The following ZNF681 variants were observed in gnomAD, a reference collection of about 807,000 sequenced individuals.
ZNF681 encodes hypothetical protein FLJ31526.
ZNF681 carries 37 observed loss-of-function variants against 56.0 expected under a neutral mutation model. That is an observed-to-expected ratio of 0.66 (90% CI 0.51 to 0.87). The LOEUF (loss-of-function observed/expected upper bound fraction) is 0.87, where lower values mean the gene tolerates loss of function less well. ZNF681 is among the 40% of genes least tolerant of loss of function. The probability of loss-of-function intolerance (pLI) is 0.00; values close to 1 mark genes in which losing one functional copy is unlikely to be tolerated. For synonymous variants in ZNF681, 225 were observed against 248.6 expected (o/e 0.91, Z 0.89); for missense variants, 741 against 744.9 (o/e 0.99, Z 0.06).
intron 3 of ZNF681, among the ~76,000 whole-genome samples, chr19:23,750,317 A>G (rs1415681385): frequency 6.6e-6 from 1 of 151,308 alleles, no homozygotes; most frequent in Non-Finnish European, 1.5e-5. Context: ...AAAAACAACT[A>G]AGAAAGAATA....
At chr19:23,748,545 T>C (rs1199364158) in intron 3 of ZNF681, among the ~76,000 whole-genome samples, 1 of 152,122 alleles carries the variant, frequency 6.6e-6, no homozygotes, top group African/African-American at 2.4e-5. Context: ...CAAAGGGGTA[T>C]AGAAGTTCAC....
chr19:23,756,632 G>A (rs1969123731), intron 1 of ZNF681, among the ~76,000 whole-genome samples: 1 of 151,872 alleles, frequency 6.6e-6, no homozygotes, highest in Admixed American at 6.6e-5. Context: ...ATACACACCA[G>A]GGCCAGTCGG....
intron 1 of ZNF681, among the ~76,000 whole-genome samples, chr19:23,757,229 G>T (rs10404183): frequency 0.98 from 148,931 of 152,218 alleles, 72,951 homozygotes; most frequent in Middle Eastern, 1. Flanking sequence ...ACAACAAAAA[G>T]AAAAAGAAAA....
chr19:23,746,898 A>G (rs563757898), intron 3 of ZNF681, among the ~76,000 whole-genome samples: 1 of 152,310 alleles, frequency 6.6e-6, no homozygotes, highest in Admixed American at 6.5e-5. Flanking sequence ...CCAAGATGGG[A>G]GGATCTCTTG....
At chr19:23,758,623 A>G in intron 1 of ZNF681, 124 bp downstream of exon 1, 1 of 1,456,218 alleles carries the variant, frequency 6.9e-7, no homozygotes, top group Non-Finnish European at 9.6e-7. Context: ...TTATGGTCCA[A>G]GTGGACTGAG....
chr19:23,756,518 T>C (rs1201653122), intron 1 of ZNF681, among the ~76,000 whole-genome samples: 1 of 152,126 alleles, frequency 6.6e-6, no homozygotes, highest in African/African-American at 2.4e-5. Flanking sequence ...TGAAAGCTAT[T>C]ATCCTCAGAA....
chr19:23,747,441 C>T (rs1968960656), intron 3 of ZNF681, among the ~76,000 whole-genome samples: 1 of 151,858 alleles, frequency 6.6e-6, no homozygotes, highest in South Asian at 2.1e-4. Flanking sequence ...AGATCAAGAC[C>T]ATCCTGGCTA....
Position 23,755,533 on chromosome 19 carries a change from C to A in ZNF681, c.22G>T (p.Asp8Tyr), listed in dbSNP as rs761144857. The change falls in exon 2 of 4, where the codon GAT becomes TAT. Residue 8 changes from aspartate (D) to tyrosine (Y), a missense_variant. Asp to Tyr is a radical substitution (Grantham distance 160, BLOSUM62 -3). Transcript: ENST00000402377. ...TCCAGAGAGAATTCTATGGCCACATCCCTAAATTTCAATGGTTCCTGAAAA... is the reference window on the plus strand; with the variant it reads ...TCCAGAGAGAATTCTATGGCCACATACCTAAATTTCAATGGTTCCTGAAAA... MEPLKFR[D>Y]VAIEFSLEEW... 5 of 1,593,894 alleles carry A rather than the reference C, an allele frequency of 3.1e-6. No individual in the cohort carries two copies. The East Asian group carries it at 1.2e-4, about 37-fold the overall frequency.
In ZNF681 at chr19:23,758,855, G is replaced by A; in HGVS notation, c.-106C>T. On this transcript the variant is annotated 5_prime_UTR_variant, in exon 1 of 4. Transcript: ENST00000402377. ...CTAGAAGAAGAGGACACAGAGCAGT[G>A]AAGACGAGACCCGGAGCTCGGGCTG... The A allele has an allele frequency of 2.0e-6, 3 of 1,508,500 alleles. No individual in the cohort carries two copies. The highest frequency in any genetic ancestry group is 1.2e-5 in the South Asian group (1 of 84,830). The allele number at this position is 1,508,500 out of a possible 1,614,324, so 93.4% of individuals were successfully genotyped here.
Position 23,741,487 on chromosome 19 carries a change from C to T in ZNF681, c.*2125G>A, listed in dbSNP as rs1159271307. ...CCAGCACTTTGGGAGGCCGAGGGGG[C>T]TAATCATGGGGTCAGGAGTTCAAGA... On this transcript the variant is annotated 3_prime_UTR_variant, in exon 4 of 4. Coordinates refer to ENST00000402377, the MANE Select transcript of ZNF681 (RefSeq NM_138286.3). 1.3e-5 allele frequency: 2 copies of T among 151,866 alleles called. No homozygotes were observed. The allele number at this position is 151,866 out of a possible 1,614,324, so 9.4% of individuals were successfully genotyped here.
At position 23,743,403 on chromosome 19, in the gene ZNF681, A is replaced by C. The variant is rs1968894042; in HGVS notation, c.*209T>G. On this transcript the variant is annotated 3_prime_UTR_variant, in exon 4 of 4. Transcript: ENST00000402377. The stretch of plus-strand genomic sequence containing the variant: ...AAGTATGAAATCTCTGATGTTGAGT[A>C]AGATGTGAACAGATATTAATGGCTT... The C allele has an allele frequency of 2.5e-6, 1 of 397,652 alleles. No homozygotes were observed. Among genetic ancestry groups the C allele is most frequent in the Non-Finnish European group, 4.4e-6 (1 of 227,498 alleles). The allele number at this position is 397,652 out of a possible 1,614,324, so 24.6% of individuals were successfully genotyped here. A position where few individuals can be genotyped will look rare whatever the true frequency, so the allele number is the denominator to read the frequency against.
chr19:23,751,922 C>T (rs754454889), intron 3 of ZNF681, among the ~76,000 whole-genome samples: 3 of 152,216 alleles, frequency 2.0e-5, no homozygotes, highest in South Asian at 2.1e-4. Context: ...CTCCTGACCT[C>T]GTGATCCGCC....
intron 3 of ZNF681, among the ~76,000 whole-genome samples, chr19:23,748,905 G>C (rs1303197911): frequency 6.6e-6 from 1 of 151,990 alleles, no homozygotes; most frequent in African/African-American, 2.4e-5. Flanking sequence ...GTTATTTGTT[G>C]GTGTAAAACA....
chr19:23,743,653 A>G lies in ZNF681; in HGVS notation c.1897T>C (p.Phe633Leu), dbSNP rs1403290681. ...GCATAATTTCTTTTATGTTTAGAAA[A>G]CTTTGAAGTGTTTTCAAAATCACTG... Reference protein sequence around the residue: ...CNSDFENTSKFSKHKRNYAGE... With the variant: ...CNSDFENTSKLSKHKRNYAGE... Residue 633 changes from phenylalanine (F) to leucine (L), a missense_variant, in exon 4 of 4, where the codon TTT becomes CTT. Physicochemically the swap from Phe to Leu is conservative, Grantham distance 22. Transcript: ENST00000402377. The G allele has an allele frequency of 6.5e-7, 1 of 1,546,750 alleles. No individual in the cohort carries two copies. The highest frequency in any genetic ancestry group is 2.3e-5 in the East Asian group (1 of 43,386).
intron 1 of ZNF681, among the ~76,000 whole-genome samples, chr19:23,757,019 C>T (rs985646051): frequency 2.0e-5 from 3 of 151,716 alleles, no homozygotes; most frequent in Admixed American, 6.6e-5. Flanking sequence ...TACAGATGTC[C>T]GCCACCATGC....
rs752414928 is a variant in ZNF681 at position 23,755,458 on chromosome 19, T to A, written c.97A>T (p.Met33Leu). 4 of 1,611,788 alleles carry A rather than the reference T, an allele frequency of 2.5e-6. No homozygotes were observed. Among genetic ancestry groups the A allele is most frequent in the Non-Finnish European group, 2.5e-6 (3 of 1,178,718 alleles). Residue 33 changes from methionine to leucine, a missense_variant, in exon 2 of 4, where the codon ATG becomes TTG. Met to Leu is a conservative substitution (Grantham distance 15). Coordinates refer to ENST00000402377, the MANE Select transcript of ZNF681 (RefSeq NM_138286.3). ...ACCAGGTTTCTGTAGTTCTCTAACA[T>A]CACATTCCTATATAAATTCTGCTGT... Reference protein sequence around the residue: ...TIQQNLYRNVMLENYRNLVFL... With the variant: ...TIQQNLYRNVLLENYRNLVFL...
Position 23,740,377 on chromosome 19 carries a change from A to G in ZNF681, c.*3235T>C, listed in dbSNP as rs1184015741. On this transcript the variant is annotated 3_prime_UTR_variant, in exon 4 of 4. Coordinates refer to ENST00000402377, the MANE Select transcript of ZNF681 (RefSeq NM_138286.3). Reference sequence around the variant, plus strand: ...CAGCTGAAATACACATAATAAGACAAACAAAACTAAGACAATTAGGAAATA... The same window carrying G: ...CAGCTGAAATACACATAATAAGACAGACAAAACTAAGACAATTAGGAAATA... The G allele has an allele frequency of 6.6e-6, 1 of 152,166 alleles. No individual in the cohort carries two copies. The highest frequency in any genetic ancestry group is 2.4e-5 in the African/African-American group (1 of 41,454). The allele number at this position is 152,166 out of a possible 1,614,324, so 9.4% of individuals were successfully genotyped here.
chr19:23,750,625 T>C (rs1170274649), intron 3 of ZNF681, among the ~76,000 whole-genome samples: 1 of 151,902 alleles, frequency 6.6e-6, no homozygotes, highest in Non-Finnish European at 1.5e-5. Context: ...ACAAATCACC[T>C]GAGGTCAGAA....
At chr19:23,757,040 T>G (rs1969132607) in intron 1 of ZNF681, among the ~76,000 whole-genome samples, 1 of 151,854 alleles carries the variant, frequency 6.6e-6, no homozygotes, top group Admixed American at 6.6e-5. Flanking sequence ...CTGGCTAATG[T>G]TTGTATTTTT....
Sources: gnomAD v4.1 joint callset for allele counts (sites outside exome capture counted in the v4.1 genomes callset) on GRCh38, gnomAD v4.1.1 for gene constraint, MANE v1.5 for transcripts, NCBI Gene and HGNC (gene_info 2026-07-23, HGNC 2026-07-21) for gene names.